Variants in CFAP74 observed in about 807,000 individuals in gnomAD.
The protein encoded by CFAP74 is cilia and flagella associated protein 74, also known as cilia- and flagella-associated protein 74.
Under a neutral mutation model 188.9 loss-of-function variants are expected in CFAP74, and 124 were observed. The ratio of observed to expected loss-of-function variants is 0.66; its 90% confidence interval spans 0.57 to 0.76. The LOEUF is 0.76. CFAP74 is among the 30% of genes least tolerant of loss of function. The pLI is 0.00. For missense variants in CFAP74, 2,198 were observed against 2,165.2 expected (o/e 1.02, Z -0.30); for synonymous variants, 956 against 916.7 (o/e 1.04, Z -0.77).
In CFAP74 at chr1:1,985,391, C is replaced by T; in HGVS notation, c.495G>A (p.Glu165=). The T allele has an allele frequency of 6.2e-7, 1 of 1,613,838 alleles. No individual in the cohort carries two copies. ...CCGGCTGCACACCGACTCACTCGCT[C>T]TCCTTCAGCACGGCCTCAGTCCTCG... ...LQSRTEAVLK[E]SENTMWHIEI... Residue 165 remains glutamate, a synonymous_variant, in exon 6 of 39, where the codon GAG becomes GAA. Coordinates refer to ENST00000682832, the MANE Select transcript of CFAP74 (RefSeq NM_001304360.2).
chr1:1,936,735 C>A (rs906211979), intron 25 of CFAP74, among the ~76,000 whole-genome samples: 3 of 151,666 alleles, frequency 2.0e-5, no homozygotes, highest in African/African-American at 7.3e-5. Context: ...GAGACCCCAT[C>A]TCTACAAAAA....
At chr1:1,994,966 C>T (rs112916098) in intron 1 of CFAP74, among the ~76,000 whole-genome samples, 1 of 152,170 alleles carries the variant, frequency 6.6e-6, no homozygotes, top group African/African-American at 2.4e-5. Flanking sequence ...GGCTGACCCT[C>T]TGCAGGAGAA....
rs567414368 is a variant in CFAP74, at chr1:1,959,853, TGAGA to T, written c.1761+107_1761+110del. 92 of 888,380 alleles carry T rather than the reference TGAGA, an allele frequency of 1.0e-4. No individual in the cohort carries two copies. The African/African-American group carries it at 1.5e-3, about 15-fold the overall frequency. 55.0% of individuals were successfully genotyped at this position (888,380 alleles called of 1,614,324 possible). A position where few individuals can be genotyped will look rare whatever the true frequency, so the allele number is the denominator to read the frequency against. On this transcript the variant is annotated intron_variant, in intron 15 of 38. Coordinates refer to ENST00000682832, the MANE Select transcript of CFAP74 (RefSeq NM_001304360.2). ...AAACAGGGGCCTGCGTGATCCTCACTGAGAGGCCAAGTGCATCCTTCCCCCATCA... is the reference window on the plus strand; with the variant it reads ...AAACAGGGGCCTGCGTGATCCTCACTGGCCAAGTGCATCCTTCCCCCATCA...
chr1:1,973,066 G>A lies in CFAP74; in HGVS notation c.675-19C>T, dbSNP rs773124651. The stretch of plus-strand genomic sequence containing the variant: ...GGACTTCCTGTGGGGATATGGGGCC[G>A]TCAGAGGGAAACTCGGCATCACACG... On this transcript the variant is annotated intron_variant, in intron 7 of 38. Coordinates refer to ENST00000682832, the MANE Select transcript of CFAP74 (RefSeq NM_001304360.2). This position sits in a 1 kb window ranked among gnomAD's most constrained non-coding sequence, Gnocchi z 6.2. 24 of 1,577,554 alleles carry A rather than the reference G, an allele frequency of 1.5e-5. No individual in the cohort carries two copies. Among genetic ancestry groups the A allele is most frequent in the Admixed American group, 5.1e-5 (3 of 59,200 alleles).
At chr1:1,982,299 G>T (rs1240181957) in intron 6 of CFAP74, among the ~76,000 whole-genome samples, 1 of 132,192 alleles carries the variant, frequency 7.6e-6, no homozygotes, top group East Asian at 2.4e-4. Context: ...GCGGGGACAC[G>T]CAGGACACCC....
At chr1:1,940,973 C>A (rs2803325) in intron 22 of CFAP74, among the ~76,000 whole-genome samples, 2 of 151,392 alleles carry the variant, frequency 1.3e-5, no homozygotes, top group Admixed American at 1.3e-4. Context: ...ATTAGCCGGG[C>A]GTGGTGGCGG....
intron 27 of CFAP74, chr1:1,927,999 C>T (rs747727121): frequency 3.0e-5 from 15 of 508,104 alleles, no homozygotes; most frequent in East Asian, 3.7e-5. Context: ...AGTGAGGAGG[C>T]GGCCAGAACC....
intron 18 of CFAP74, among the ~76,000 whole-genome samples, chr1:1,950,596 G>A (rs1008496043): frequency 2.0e-5 from 3 of 152,122 alleles, no homozygotes; most frequent in Non-Finnish European, 2.9e-5. Flanking sequence ...CACCTCGGCC[G>A]CCCAAAGTGC....
Position 1,990,962 on chromosome 1 carries a change from G to A in CFAP74, c.-6C>T. On this transcript the variant is annotated 5_prime_UTR_variant, in exon 2 of 39. Transcript: ENST00000682832. The stretch of plus-strand genomic sequence containing the variant: ...AGGCTGCCGTCATCCTCCATGCTGG[G>A]AGATAGAAATTAGCTGCAAAAGATG... The A allele has an allele frequency of 6.2e-7, 1 of 1,606,544 alleles. No homozygotes were observed. The highest frequency in any genetic ancestry group is 8.5e-7 in the Non-Finnish European group (1 of 1,177,554).
chr1:1,946,294 G>A, intron 20 of CFAP74, 23 bp downstream of exon 20: 2 of 1,527,000 alleles, frequency 1.3e-6, no homozygotes. Context: ...GTGTGTGCGT[G>A]GCGTGGCAGC....
In CFAP74 at chr1:1,922,010, G is replaced by C; in HGVS notation, c.*277C>G. ...GCTGTGGAGGGCTCTCCTGGGGGCT[G>C]GGGGCTCTGAGGGGGTCTGGCTAGG... On this transcript the variant is annotated 3_prime_UTR_variant, in exon 39 of 39. Coordinates refer to ENST00000682832, the MANE Select transcript of CFAP74 (RefSeq NM_001304360.2). The C allele has an allele frequency of 2.2e-6, 1 of 453,688 alleles. No individual in the cohort carries two copies. The highest frequency in any genetic ancestry group is 2.7e-5 in the South Asian group (1 of 37,284). The allele number at this position is 453,688 out of a possible 1,614,324, so 28.1% of individuals were successfully genotyped here.
At chr1:1,978,659 G>T (rs1231570944) in intron 6 of CFAP74, among the ~76,000 whole-genome samples, 2 of 152,186 alleles carry the variant, frequency 1.3e-5, no homozygotes, top group Admixed American at 6.5e-5. Context: ...AGGCTTCCGT[G>T]GGGAACCAGC....
At chr1:1,964,649 G>A (rs565204042) in intron 13 of CFAP74, among the ~76,000 whole-genome samples, 120 of 152,356 alleles carry the variant, frequency 7.9e-4, no homozygotes, top group Non-Finnish European at 1.0e-3. Flanking sequence ...AATTAGCCAG[G>A]CGTGGTGGCA....
chr1:1,943,194 C>A (rs994396806), intron 21 of CFAP74, among the ~76,000 whole-genome samples: 21 of 152,236 alleles, frequency 1.4e-4, no homozygotes, highest in African/African-American at 5.1e-4. Context: ...CAGAGCTGGG[C>A]CCCACTCAGC....
In CFAP74 at chr1:1,927,751, G is replaced by A. The variant is rs573093190; in HGVS notation, c.3388-5C>T. Reference sequence around the variant, plus strand: ...GGGGGCCATATTCTTTCGGAACTGTGGGGGGAGCGACTGGCTGTGGGGCTG... The same window carrying A: ...GGGGGCCATATTCTTTCGGAACTGTAGGGGGAGCGACTGGCTGTGGGGCTG... On this transcript the variant is annotated splice_region_variant and splice_polypyrimidine_tract_variant and intron_variant, in intron 27 of 38. Transcript: ENST00000682832. The A allele has an allele frequency of 7.1e-6, 11 of 1,548,342 alleles. No individual in the cohort carries two copies. Among genetic ancestry groups the A allele is most frequent in the East Asian group, 2.4e-5 (1 of 40,906 alleles).
In CFAP74 at chr1:1,996,836, G is replaced by A. The variant is rs1466023397; in HGVS notation, c.-19-5861C>T. 5.4e-5 allele frequency among the ~76,000 whole-genome samples: 8 copies of A among 149,218 alleles called. 1 individual carries two copies. The highest frequency in any genetic ancestry group is 1.0e-4 in the Non-Finnish European group (7 of 67,722). On this transcript the variant is annotated intron_variant, in intron 1 of 38. Transcript: ENST00000682832. ...CTCAGGAGGCTGAGGCAGGAGAATC[G>A]CTTAAACTCAGGAGGTGGAGGTTGC...
Position 1,939,505 on chromosome 1 carries a change from G to C in CFAP74, c.2877+89C>G, listed in dbSNP as rs375376505. ...GAAGTTGGGCCACATGCCCACGCGT[G>C]GGGGACCCTGGAGCAGTGGCCGCTG... is the stretch of plus-strand genomic sequence containing the variant. On this transcript the variant is annotated intron_variant, in intron 24 of 38. Coordinates refer to ENST00000682832, the MANE Select transcript of CFAP74 (RefSeq NM_001304360.2). 4.6e-4 allele frequency: 602 copies of C among 1,308,698 alleles called. 3 individuals are homozygous for C. In the African/African-American group the frequency reaches 7.3e-3, roughly 16 times the overall value. The allele number at this position is 1,308,698 out of a possible 1,614,324, so 81.1% of individuals were successfully genotyped here. A position where few individuals can be genotyped will look rare whatever the true frequency, so the allele number is the denominator to read the frequency against.
At chr1:1,932,891 C>CTT (rs1386467993) in intron 25 of CFAP74, among the ~76,000 whole-genome samples, 1 of 134,708 alleles carries the variant, frequency 7.4e-6, no homozygotes, top group Non-Finnish European at 1.6e-5. Context: ...TGTGCCCGAC[C>CTT]TTTTTTTTTT....
chr1:1,949,450 C>T (rs564418291), intron 18 of CFAP74, among the ~76,000 whole-genome samples: 5 of 152,214 alleles, frequency 3.3e-5, no homozygotes, highest in African/African-American at 9.6e-5. Flanking sequence ...CCACTGTGCC[C>T]GGCCAACCGC....
Sources: gnomAD v4.1 joint callset for allele counts (sites outside exome capture counted in the v4.1 genomes callset) on GRCh38, gnomAD v4.1.1 for gene constraint, Gnocchi (gnomAD v3.1) non-coding constraint, MANE v1.5 for transcripts, NCBI Gene and HGNC (gene_info 2026-07-23, HGNC 2026-07-21) for gene names.